KIAA0825: variants seen among roughly 807,000 people sequenced by gnomAD.
The protein encoded by KIAA0825 is uncharacterized protein KIAA0825.
Under a neutral mutation model 147.6 loss-of-function variants are expected in KIAA0825, and 119 were observed. That is an observed-to-expected ratio of 0.81 (90% CI 0.69 to 0.94). KIAA0825 has a LOEUF of 0.94. KIAA0825 is among the 40% of genes least tolerant of loss of function. The probability of loss-of-function intolerance (pLI) is 0.00; values close to 1 mark genes in which losing one functional copy is unlikely to be tolerated. For missense variants in KIAA0825, 1,381 were observed against 1,472.7 expected, an observed-to-expected ratio of 0.94 and a Z score of 1.02; for synonymous variants, 470 against 518.1, an observed-to-expected ratio of 0.91 and a Z score of 1.26.
intron 16 of KIAA0825, 146 bp from the exon 17 acceptor site, chr5:94,396,655 C>T (rs1331251428): frequency 2.2e-5 from 12 of 545,864 alleles, no homozygotes; most frequent in African/African-American, 1.6e-4. Context: ...GAACTCTAAC[C>T]GGGGTCTCTC....
intron 20 of KIAA0825, among the ~76,000 whole-genome samples, chr5:94,290,789 G>T (rs1777855358): frequency 6.6e-6 from 1 of 152,128 alleles, no homozygotes; most frequent in Non-Finnish European, 1.5e-5. Context: ...ATCCTCTCCA[G>T]CATCTGTTGT....
At chr5:94,369,412 T>C (rs1245183613) in intron 20 of KIAA0825, among the ~76,000 whole-genome samples, 2 of 152,194 alleles carry the variant, frequency 1.3e-5, no homozygotes, top group Non-Finnish European at 2.9e-5. Flanking sequence ...TGCCTTGACA[T>C]ATTTACATTA....
At chr5:94,176,349 CCCAATCTT>C (rs1769101990) in intron 20 of KIAA0825, among the ~76,000 whole-genome samples, 1 of 152,104 alleles carries the variant, frequency 6.6e-6, no homozygotes, top group Non-Finnish European at 1.5e-5. Flanking sequence ...GATGTAGCTG[CCCAATCTT>C]AAACCTTCTA....
chr5:94,180,049 T>A (rs866143832), intron 20 of KIAA0825, among the ~76,000 whole-genome samples: 2 of 151,994 alleles, frequency 1.3e-5, no homozygotes, highest in Non-Finnish European at 2.9e-5. Context: ...TTTTATAATA[T>A]CAAAGCATCT....
intron 20 of KIAA0825, among the ~76,000 whole-genome samples, chr5:94,323,432 T>C (rs1045904364): frequency 6.6e-6 from 1 of 151,660 alleles, no homozygotes; most frequent in Admixed American, 6.6e-5. Context: ...GTTATGTCTC[T>C]CCAATCTCTC....
At position 94,299,402 on chromosome 5, in the gene KIAA0825, T is replaced by C. The variant is rs546764089; in HGVS notation, c.3710+84966A>G. Among the ~76,000 whole-genome samples the C allele has an allele frequency of 4.4e-4, 67 of 151,154 alleles. 1 individual carries two copies. Among genetic ancestry groups the C allele is most frequent in the Middle Eastern group, 3.4e-3 (1 of 292 alleles). ...TGGGTAATTTACTTTTTTTTTTTTTTAGAGATGGGGGTCTCACTGCGTTGC... is the reference window on the plus strand; with the variant it reads ...TGGGTAATTTACTTTTTTTTTTTTTCAGAGATGGGGGTCTCACTGCGTTGC... On this transcript the variant is annotated intron_variant, in intron 20 of 20. Coordinates refer to ENST00000682413, the MANE Select transcript of KIAA0825 (RefSeq NM_001145678.3).
intron 20 of KIAA0825, among the ~76,000 whole-genome samples, chr5:94,258,924 C>T (rs1027968323): frequency 2.6e-5 from 4 of 151,950 alleles, no homozygotes; most frequent in East Asian, 1.9e-4. Flanking sequence ...TAATCTCTCA[C>T]GACTCCATTG....
At chr5:94,166,501 G>A (rs1768045541) in intron 20 of KIAA0825, among the ~76,000 whole-genome samples, 1 of 120,924 alleles carries the variant, frequency 8.3e-6, no homozygotes, top group African/African-American at 2.9e-5. Context: ...CTTCCTCTTG[G>A]TTGTTTTTTT....
At chr5:94,377,633 GT>G (rs1747771259) in intron 20 of KIAA0825, among the ~76,000 whole-genome samples, 1 of 152,050 alleles carries the variant, frequency 6.6e-6, no homozygotes, top group Admixed American at 6.6e-5. Context: ...TACAATCACT[GT>G]ACTTATTCTT....
At chr5:94,265,281 T>C (rs1168030941) in intron 20 of KIAA0825, among the ~76,000 whole-genome samples, 1 of 152,192 alleles carries the variant, frequency 6.6e-6, no homozygotes, top group Non-Finnish European at 1.5e-5. Context: ...AAGTCAGTGA[T>C]TCTCAGAGTG....
intron 20 of KIAA0825, among the ~76,000 whole-genome samples, chr5:94,172,990 C>G (rs1451970946): frequency 6.6e-6 from 1 of 152,054 alleles, no homozygotes; most frequent in African/African-American, 2.4e-5. Flanking sequence ...ATTTTACTGT[C>G]CCTCATAATA....
chr5:94,255,022 C>T (rs931239485), intron 20 of KIAA0825, among the ~76,000 whole-genome samples: 5 of 151,784 alleles, frequency 3.3e-5, no homozygotes, highest in African/African-American at 1.2e-4. Flanking sequence ...ATCACTTAGT[C>T]TGTGCTACCT....
chr5:94,562,651 A>G (rs1777755248), intron 2 of KIAA0825, among the ~76,000 whole-genome samples: 1 of 152,260 alleles, frequency 6.6e-6, no homozygotes, highest in South Asian at 2.1e-4. Flanking sequence ...CACACTTGAC[A>G]ATCTCTACAG....
At chr5:94,287,866 G>A (rs1777724718) in intron 20 of KIAA0825, among the ~76,000 whole-genome samples, 1 of 152,112 alleles carries the variant, frequency 6.6e-6, no homozygotes. Context: ...GTCATGTGGT[G>A]CTCCCAGGGC....
chr5:94,244,100 G>A (rs180735112), intron 20 of KIAA0825, among the ~76,000 whole-genome samples: 3 of 152,140 alleles, frequency 2.0e-5, no homozygotes, highest in Admixed American at 6.5e-5. Flanking sequence ...GGGCTTGATT[G>A]TCTTTAACCT....
intron 9 of KIAA0825, 41 bp from the exon 10 acceptor site, chr5:94,470,152 CTGTGCAGTAGGAGATAACAA>C: frequency 6.7e-7 from 1 of 1,492,354 alleles, no homozygotes; most frequent in Non-Finnish European, 9.0e-7. Context: ...GATTTAAGGC[CTGTGCAGTAGGAGATAACAA>C]TCTCCAGTAC....
At chr5:94,473,564 A>G (rs1406501686) in intron 7 of KIAA0825, 45 bp from the exon 8 acceptor site, 2 of 1,178,204 alleles carry the variant, frequency 1.7e-6, no homozygotes, top group Non-Finnish European at 2.4e-6. Flanking sequence ...TTAACTCAGC[A>G]ACAAATGTTT....
At chr5:94,298,415 T>C (rs556823412) in intron 20 of KIAA0825, among the ~76,000 whole-genome samples, 1 of 152,296 alleles carries the variant, frequency 6.6e-6, no homozygotes, top group African/African-American at 2.4e-5. Context: ...TAAGAAGACT[T>C]GTGGAAATGC....
intron 3 of KIAA0825, among the ~76,000 whole-genome samples, chr5:94,529,275 G>A (rs60444380): frequency 0.012 from 1,323 of 108,476 alleles, 277 homozygotes; most frequent in African/African-American, 0.03. Flanking sequence ...ATATATGTAT[G>A]TATCATATAT....
Sources: allele counts gnomAD v4.1 joint callset (sites outside exome capture counted in the v4.1 genomes callset), GRCh38; gene constraint gnomAD v4.1.1; transcripts MANE v1.5; gene names NCBI Gene and HGNC (gene_info 2026-07-23, HGNC 2026-07-21).